The following EPHB1 variants were observed in gnomAD, a reference collection of about 807,000 sequenced individuals.
EPHB1 encodes the protein EPH receptor B1.
EPHB1 carries 30 observed loss-of-function variants against 94.4 expected under a neutral mutation model. The observed-to-expected ratio is 0.32, with a 90% CI of 0.24 to 0.43. The LOEUF (loss-of-function observed/expected upper bound fraction) is 0.43, where lower values mean the gene tolerates loss of function less well. Among genes scored for constraint, EPHB1 ranks in the 20% least tolerant of loss-of-function variants. EPHB1 has a pLI of 1.00. For synonymous variants in EPHB1, 522 were observed against 489.1 expected (o/e 1.07, Z -0.89); for missense variants, 1,055 against 1,308.3 (o/e 0.81, Z 2.99).
chr3:135,154,469 G>T, intron 6 of EPHB1, 193 bp downstream of exon 6: 3 of 661,472 alleles, frequency 4.5e-6, no homozygotes, highest in South Asian at 4.7e-5. Flanking sequence ...GGCACTTTCT[G>T]TGCCAACTAA....
At position 135,179,946 on chromosome 3, in the gene EPHB1, G is replaced by A. The variant is rs758266659; in HGVS notation, c.1846G>A (p.Val616Ile). ...CCGGGAGTTTGCCAAGGAGATTGAT[G>A]TATCTTTTGTGAAAATTGAAGAGGT... Reference protein sequence around the residue: ...AVREFAKEIDVSFVKIEEVIG... With the variant: ...AVREFAKEIDISFVKIEEVIG... Residue 616 changes from valine to isoleucine, a missense_variant, in exon 10 of 16, where the codon GTA (valine) becomes ATA (isoleucine). Physicochemically the swap from Val to Ile is conservative, Grantham distance 29 (BLOSUM62 3). Coordinates refer to ENST00000398015, the MANE Select transcript of EPHB1 (RefSeq NM_004441.5). 19 of 1,613,834 alleles carry A rather than the reference G, an allele frequency of 1.2e-5. No individual in the cohort carries two copies. Among genetic ancestry groups the A allele is most frequent in the Non-Finnish European group, 1.6e-5 (19 of 1,179,858 alleles).
At chr3:134,938,360 G>A (rs555871691) in intron 2 of EPHB1, among the ~76,000 whole-genome samples, 19 of 152,260 alleles carry the variant, frequency 1.2e-4, no homozygotes, top group Non-Finnish European at 2.4e-4. Context: ...TAGAAACCTG[G>A]GTGTGAAATA....
chr3:134,962,408 T>C (rs1484291881), intron 3 of EPHB1, among the ~76,000 whole-genome samples: 1 of 152,126 alleles, frequency 6.6e-6, no homozygotes, highest in Non-Finnish European at 1.5e-5. Flanking sequence ...ATCTCTAGTA[T>C]CAGGACATTT....
At chr3:135,100,786 A>T (rs1025334418) in intron 3 of EPHB1, among the ~76,000 whole-genome samples, 4 of 152,154 alleles carry the variant, frequency 2.6e-5, no homozygotes, top group African/African-American at 4.8e-5. Flanking sequence ...GACCTTCTGG[A>T]TACCAGCCAG....
chr3:134,836,330 A>G (rs1403711197), intron 1 of EPHB1, among the ~76,000 whole-genome samples: 1 of 152,270 alleles, frequency 6.6e-6, no homozygotes, highest in Non-Finnish European at 1.5e-5. Context: ...CTTGTTTTCC[A>G]TAAATCAGAT....
chr3:135,001,733 T>G (rs1321917684), intron 3 of EPHB1, among the ~76,000 whole-genome samples: 1 of 152,160 alleles, frequency 6.6e-6, no homozygotes, highest in Non-Finnish European at 1.5e-5. Flanking sequence ...CTCTATGTTA[T>G]CCTTCTCTTC....
At chr3:134,978,221 G>T (rs565536265) in intron 3 of EPHB1, 61 of 306,200 alleles carry the variant, frequency 2.0e-4, no homozygotes, top group African/African-American at 1.3e-3. Context: ...TCTCTCTGCT[G>T]CCCCTACCCT....
chr3:135,055,333 C>T (rs1207086648), intron 3 of EPHB1, among the ~76,000 whole-genome samples: 1 of 152,226 alleles, frequency 6.6e-6, no homozygotes, highest in East Asian at 1.9e-4. Context: ...TCGATCATAA[C>T]ACCGGCTCAC....
At chr3:135,178,447 C>G (rs1291127741) in intron 9 of EPHB1, among the ~76,000 whole-genome samples, 1 of 126,952 alleles carries the variant, frequency 7.9e-6, no homozygotes, top group Non-Finnish European at 1.6e-5. Context: ...GGCAACAGAG[C>G]AAGACTGTCT....
chr3:134,858,523 A>G (rs2037174143), intron 1 of EPHB1, among the ~76,000 whole-genome samples: 1 of 152,080 alleles, frequency 6.6e-6, no homozygotes, highest in South Asian at 2.1e-4. Context: ...ATGGCAAGGG[A>G]TGATTTAAAA....
At chr3:134,922,197 A>G (rs1461633661) in intron 1 of EPHB1, among the ~76,000 whole-genome samples, 1 of 152,072 alleles carries the variant, frequency 6.6e-6, no homozygotes, top group Non-Finnish European at 1.5e-5. Context: ...TGCTTCCACC[A>G]TAACTTTCTG....
At chr3:134,915,873 C>T (rs902634450) in intron 1 of EPHB1, among the ~76,000 whole-genome samples, 6 of 152,256 alleles carry the variant, frequency 3.9e-5, no homozygotes, top group African/African-American at 1.2e-4. Context: ...TTGCAAAGAG[C>T]GAAAGAGCAA....
chr3:135,194,692 C>T (rs1043978898), intron 11 of EPHB1, among the ~76,000 whole-genome samples: 1 of 152,158 alleles, frequency 6.6e-6, no homozygotes, highest in African/African-American at 2.4e-5. Flanking sequence ...GTCTGGGTCA[C>T]TAGGAAGTAG....
chr3:135,248,055 G>T (rs1344964013), intron 13 of EPHB1, among the ~76,000 whole-genome samples: 1 of 152,142 alleles, frequency 6.6e-6, no homozygotes, highest in Admixed American at 6.5e-5. Flanking sequence ...CATTTACAGA[G>T]GTCCATGTGT....
intron 3 of EPHB1, among the ~76,000 whole-genome samples, chr3:135,066,476 T>C: frequency 6.6e-6 from 1 of 152,242 alleles, no homozygotes; most frequent in East Asian, 1.9e-4. Flanking sequence ...CTTCTACTTG[T>C]TCAGTTCTAC....
intron 12 of EPHB1, among the ~76,000 whole-genome samples, chr3:135,236,700 A>T (rs1397869224): frequency 1.3e-5 from 2 of 152,194 alleles, no homozygotes; most frequent in Non-Finnish European, 2.9e-5. Flanking sequence ...CATGCTGCAC[A>T]ACAGAAATAT....
At chr3:134,884,454 C>T (rs1160402670) in intron 1 of EPHB1, among the ~76,000 whole-genome samples, 1 of 152,180 alleles carries the variant, frequency 6.6e-6, no homozygotes, top group Non-Finnish European at 1.5e-5. Context: ...GAAGCCAAAG[C>T]TGCTCAGATG....
chr3:135,154,479 A>C, intron 6 of EPHB1: 1 of 597,298 alleles, frequency 1.7e-6, no homozygotes. Flanking sequence ...GTGCCAACTA[A>C]GGAGAGAAAC....
chr3:134,995,708 G>C (rs964774435), intron 3 of EPHB1, among the ~76,000 whole-genome samples: 2 of 150,112 alleles, frequency 1.3e-5, no homozygotes, highest in African/African-American at 5.0e-5. Context: ...ATATAAAATG[G>C]TACAACCACT....
Sources: allele counts gnomAD v4.1 joint callset (sites outside exome capture counted in the v4.1 genomes callset), GRCh38; gene constraint gnomAD v4.1.1; transcripts MANE v1.5; gene names NCBI Gene and HGNC (gene_info 2026-07-23, HGNC 2026-07-21).